MAP4K3: variants seen among roughly 807,000 people sequenced by gnomAD.
MAP4K3 encodes MAPK/ERK kinase kinase kinase 3.
MAP4K3 carries 94 observed loss-of-function variants against 143.5 expected under a neutral mutation model. That is an observed-to-expected ratio of 0.65 (90% CI 0.55 to 0.78). The LOEUF is 0.78. Ranked by LOEUF, MAP4K3 falls within the 30% of genes least tolerant of loss-of-function variation. MAP4K3 has a pLI of 0.00. For missense variants in MAP4K3, 1,077 were observed against 1,068.1 expected, an observed-to-expected ratio of 1.01 and a Z score of -0.12; for synonymous variants, 416 against 347.2, an observed-to-expected ratio of 1.20 and a Z score of -2.20.
intron 12 of MAP4K3, among the ~76,000 whole-genome samples, chr2:39,322,811 A>T (rs979966398): frequency 2.1e-4 from 32 of 151,802 alleles, no homozygotes; most frequent in African/African-American, 7.7e-4. Flanking sequence ...CTGGGATTAC[A>T]CGCATGAGCC....
At chr2:39,435,244 G>A (rs1665422570) in intron 1 of MAP4K3, among the ~76,000 whole-genome samples, 1 of 152,040 alleles carries the variant, frequency 6.6e-6, no homozygotes, top group African/African-American at 2.4e-5. Flanking sequence ...TCTTCATGCT[G>A]TAGTAGGGAG....
intron 3 of MAP4K3, among the ~76,000 whole-genome samples, chr2:39,352,660 G>C (rs796199164): frequency 4.6e-5 from 7 of 152,230 alleles, no homozygotes; most frequent in African/African-American, 1.7e-4. Flanking sequence ...GAGTAGGAAA[G>C]GTCTTGTTAA....
intron 21 of MAP4K3, among the ~76,000 whole-genome samples, chr2:39,286,526 A>G (rs900316105): frequency 3.3e-5 from 5 of 152,354 alleles, no homozygotes; most frequent in African/African-American, 9.6e-5. Flanking sequence ...ATTATCCTCA[A>G]TGAGAATAAT....
At position 39,250,444 on chromosome 2, in the gene MAP4K3, A is replaced by C. The variant is rs1002289962; in HGVS notation, c.*174T>G. 6 of 548,864 alleles carry C rather than the reference A, an allele frequency of 1.1e-5. No homozygotes were observed. The highest frequency in any genetic ancestry group is 1.9e-5 in the Non-Finnish European group (6 of 311,104). 34.0% of individuals were successfully genotyped at this position (548,864 alleles called of 1,614,324 possible). On this transcript the variant is annotated 3_prime_UTR_variant, in exon 34 of 34. Coordinates refer to ENST00000263881, the MANE Select transcript of MAP4K3 (RefSeq NM_003618.4). ...AAGCACTTGTGTGGTTCAATATGCT[A>C]AATATATCCATACCACTTAAAACAA...
intron 2 of MAP4K3, among the ~76,000 whole-genome samples, chr2:39,361,904 AT>A (rs1665781922): frequency 6.6e-6 from 1 of 152,078 alleles, no homozygotes; most frequent in African/African-American, 2.4e-5. Context: ...GAAGACAGAA[AT>A]AAAGATGACA....
Position 39,250,393 on chromosome 2 carries a change from G to A in MAP4K3, c.*225C>T, listed in dbSNP as rs1680105095. ...TTCACAGAAAAAATACTGCCTATATGTACAAAGATTACATAACAATGAATT... is the reference window on the plus strand; with the variant it reads ...TTCACAGAAAAAATACTGCCTATATATACAAAGATTACATAACAATGAATT... On this transcript the variant is annotated 3_prime_UTR_variant, in exon 34 of 34. Coordinates refer to ENST00000263881, the MANE Select transcript of MAP4K3 (RefSeq NM_003618.4). 1 of 463,256 alleles carries A rather than the reference G, an allele frequency of 2.2e-6. No homozygotes were observed. The highest frequency in any genetic ancestry group is 3.7e-5 in the Admixed American group (1 of 26,896). The allele number at this position is 463,256 out of a possible 1,614,324, so 28.7% of individuals were successfully genotyped here. A position where few individuals can be genotyped will look rare whatever the true frequency, so the allele number is the denominator to read the frequency against.
chr2:39,284,529 T>C (rs1198611213), intron 21 of MAP4K3, among the ~76,000 whole-genome samples: 8 of 152,034 alleles, frequency 5.3e-5, no homozygotes, highest in Admixed American at 5.2e-4. Flanking sequence ...TAAGCACTAA[T>C]AGAACTGGTT....
chr2:39,417,595 C>T (rs534019045), intron 1 of MAP4K3, among the ~76,000 whole-genome samples: 8 of 152,252 alleles, frequency 5.3e-5, no homozygotes, highest in African/African-American at 1.4e-4. Flanking sequence ...CCATGTGATG[C>T]TAGATTAGAT....
chr2:39,411,265 C>A (rs1301593577), intron 1 of MAP4K3, among the ~76,000 whole-genome samples: 1 of 152,206 alleles, frequency 6.6e-6, no homozygotes, highest in Non-Finnish European at 1.5e-5. Context: ...GTAAGTTTGA[C>A]TCCCTCACTT....
At chr2:39,275,795 G>T (rs1464094709) in intron 24 of MAP4K3, among the ~76,000 whole-genome samples, 2 of 152,134 alleles carry the variant, frequency 1.3e-5, no homozygotes, top group East Asian at 3.9e-4. Context: ...TTTAAAAAAT[G>T]AAGATGAAAC....
chr2:39,272,243 A>G (rs375640483), intron 26 of MAP4K3, 40 bp downstream of exon 26: 1 of 1,384,714 alleles, frequency 7.2e-7, no homozygotes, highest in African/African-American at 1.4e-5. Context: ...TATGAGAATG[A>G]ACTGTTAATA....
In MAP4K3 at chr2:39,372,492, G is replaced by GA. The variant is rs556275987; in HGVS notation, c.154+5573dup. Among the ~76,000 whole-genome samples, 607 of 123,142 alleles carry GA rather than the reference G, an allele frequency of 4.9e-3. 3 individuals are homozygous for GA. Among genetic ancestry groups the GA allele is most frequent in the South Asian group, 0.022 (81 of 3,748 alleles). 80.8% of individuals were successfully genotyped at this position (123,142 alleles called of 152,430 possible). A position where few individuals can be genotyped will look rare whatever the true frequency, so the allele number is the denominator to read the frequency against. ...CTAAAATAGCCAAAGCTATCCTAAG[G>GA]AAAAAAAAAAAAAGAAACTGTAGGA... On this transcript the variant is annotated intron_variant, in intron 2 of 33. Transcript: ENST00000263881.
At chr2:39,284,703 G>C (rs56931181) in intron 21 of MAP4K3, among the ~76,000 whole-genome samples, 2 of 151,426 alleles carry the variant, frequency 1.3e-5, no homozygotes, top group Non-Finnish European at 2.9e-5. Context: ...AAGTAGCCAG[G>C]CGTGGTGGCG....
chr2:39,382,955 C>G (rs1039947660), intron 1 of MAP4K3, among the ~76,000 whole-genome samples: 1 of 152,128 alleles, frequency 6.6e-6, no homozygotes, highest in East Asian at 1.9e-4. Context: ...GGGAAAAGGG[C>G]ACAGAACGAA....
chr2:39,383,665 T>C (rs2148587088), intron 1 of MAP4K3, among the ~76,000 whole-genome samples: 1 of 152,138 alleles, frequency 6.6e-6, no homozygotes, highest in Non-Finnish European at 1.5e-5. Flanking sequence ...TGTTCACTCT[T>C]AAACAACTGA....
At chr2:39,367,607 A>G (rs1372313516) in intron 2 of MAP4K3, among the ~76,000 whole-genome samples, 1 of 151,934 alleles carries the variant, frequency 6.6e-6, no homozygotes, top group African/African-American at 2.4e-5. Context: ...CTCCCTAAAA[A>G]AAAAGTCTTA....
chr2:39,263,933 T>C (rs1680670583), intron 28 of MAP4K3, among the ~76,000 whole-genome samples: 1 of 152,238 alleles, frequency 6.6e-6, no homozygotes, highest in Non-Finnish European at 1.5e-5. Flanking sequence ...TTAGCATAAA[T>C]GGTTTACCAT....
intron 1 of MAP4K3, among the ~76,000 whole-genome samples, chr2:39,416,438 G>T (rs978957212): frequency 6.6e-6 from 1 of 152,110 alleles, no homozygotes; most frequent in Non-Finnish European, 1.5e-5. Context: ...AAGAGGGTGA[G>T]AACCACATGC....
intron 1 of MAP4K3, among the ~76,000 whole-genome samples, chr2:39,388,835 G>T (rs1666578239): frequency 6.6e-6 from 1 of 152,150 alleles, no homozygotes; most frequent in Admixed American, 6.5e-5. Flanking sequence ...GGCAGAGGGA[G>T]AAACAAATTA....
Sources: allele counts gnomAD v4.1 joint callset (sites outside exome capture counted in the v4.1 genomes callset), GRCh38; gene constraint gnomAD v4.1.1; transcripts MANE v1.5; gene names NCBI Gene and HGNC (gene_info 2026-07-23, HGNC 2026-07-21).